NTAQ1: variants seen among roughly 807,000 people sequenced by gnomAD.
NTAQ1 encodes N-terminal glutamine amidase 1, also known as protein N-terminal glutamine amidohydrolase.
A neutral mutation model predicts 28.2 loss-of-function variants in NTAQ1; 21 were observed. That is an observed-to-expected ratio of 0.74 (90% CI 0.53 to 1.07). The LOEUF (loss-of-function observed/expected upper bound fraction) is 1.07, where lower values mean the gene tolerates loss of function less well. Among genes scored for constraint, NTAQ1 ranks in the 50% least tolerant of loss-of-function variants. NTAQ1 has a pLI of 0.00. For missense variants in NTAQ1, 264 were observed against 256.6 expected (o/e 1.03, Z -0.20); for synonymous variants, 105 against 90.0 (o/e 1.17, Z -0.94).
At chr8:123,427,867 AT>A (rs1174886718) in intron 1 of NTAQ1, 56 bp from the exon 2 acceptor site, 1 of 1,431,398 alleles carries the variant, frequency 7.0e-7, no homozygotes, top group Non-Finnish European at 9.6e-7. Flanking sequence ...TTTTGTTCAA[AT>A]TTAAAAGACA....
downstream of NTAQ1, among the ~76,000 whole-genome samples, chr8:123,449,859 T>TTCTCTCTCTCTCTCTCTC (rs112959997): frequency 1.4e-3 from 161 of 111,236 alleles, 1 homozygote; most frequent in African/African-American, 5.6e-3. Flanking sequence ...GCTCGCTGCT[T>TTCTCTCTCTCTCTCTCTC]TCTCTCTCTC....
upstream of NTAQ1, chr8:123,416,727 TCTCCCCCCGGGCTC>T (rs1050654020): frequency 3.1e-5 from 23 of 751,454 alleles, no homozygotes; most frequent in Non-Finnish European, 3.9e-5. Flanking sequence ...GCCCCGGCCC[TCTCCCCCCGGGCTC>T]CGCCCACCCC....
At chr8:123,449,859 T>TC (rs1815418477), downstream of NTAQ1, among the ~76,000 whole-genome samples, 7 of 111,206 alleles carry the variant, frequency 6.3e-5, no homozygotes, top group Non-Finnish European at 1.2e-4. Flanking sequence ...GCTCGCTGCT[T>TC]TCTCTCTCTC....
chr8:123,431,575 G>A (rs1047868919), intron 3 of NTAQ1, among the ~76,000 whole-genome samples: 11 of 152,274 alleles, frequency 7.2e-5, no homozygotes, highest in African/African-American at 1.2e-4. Flanking sequence ...TCTCAGTTTC[G>A]TTGCCAGCAG....
At chr8:123,430,510 G>C (rs567482012) in intron 3 of NTAQ1, among the ~76,000 whole-genome samples, 1 of 152,324 alleles carries the variant, frequency 6.6e-6, no homozygotes, top group African/African-American at 2.4e-5. Flanking sequence ...GGGCGCAGTG[G>C]CTCATGCCTG....
At chr8:123,455,418 GA>G (rs1222500448) in intron 6 of NTAQ1, among the ~76,000 whole-genome samples, 2 of 140,686 alleles carry the variant, frequency 1.4e-5, no homozygotes, top group Admixed American at 7.4e-5. Flanking sequence ...CCCATGCCCA[GA>G]AATTTTTTTT....
At position 123,438,163 on chromosome 8, in the gene NTAQ1, T is replaced by C. The variant is rs113136046; in HGVS notation, c.508+829T>C. The C allele has an allele frequency of 1.1e-3, 781 of 702,296 alleles. 5 individuals are homozygous for C. In the African/African-American group the frequency reaches 0.012, roughly 11 times the overall value. 43.5% of individuals were successfully genotyped at this position (702,296 alleles called of 1,614,324 possible). A position where few individuals can be genotyped will look rare whatever the true frequency, so the allele number is the denominator to read the frequency against. ...CAATCCAGTTGATAATTTCCTGACA[T>C]TTAAGAAGATAAAGGGTCCTTCACC... On this transcript the variant is annotated intron_variant, in intron 5 of 5. Transcript: ENST00000287387.
chr8:123,438,260 C>A, intron 5 of NTAQ1: 1 of 692,638 alleles, frequency 1.4e-6, no homozygotes, highest in South Asian at 1.5e-5. Context: ...ACAACATTCC[C>A]ACTTAGGGGT....
intron 1 of NTAQ1, among the ~76,000 whole-genome samples, chr8:123,423,327 T>G (rs988617943): frequency 2.2e-5 from 3 of 135,754 alleles, no homozygotes; most frequent in African/African-American, 5.1e-5. Flanking sequence ...TTTTTCTTTC[T>G]TTGTCTTTCT....
intron 6 of NTAQ1, among the ~76,000 whole-genome samples, chr8:123,466,559 A>T (rs1473978959): frequency 1.3e-5 from 2 of 152,232 alleles, no homozygotes; most frequent in East Asian, 3.9e-4. Flanking sequence ...TGACCATCAG[A>T]CTGTCATTAC....
At chr8:123,421,358 A>T (rs531936680) in intron 1 of NTAQ1, among the ~76,000 whole-genome samples, 51 of 152,200 alleles carry the variant, frequency 3.4e-4, no homozygotes, top group African/African-American at 1.1e-3. Flanking sequence ...GGGATTACAG[A>T]TGTGAGCTAC....
chr8:123,446,443 C>A (rs577551891), downstream of NTAQ1, among the ~76,000 whole-genome samples: 58 of 152,360 alleles, frequency 3.8e-4, no homozygotes, highest in African/African-American at 1.3e-3. Context: ...ACAGCAGCCA[C>A]AGACAATATG....
chr8:123,457,210 CTG>C (rs1055586292), intron 6 of NTAQ1, among the ~76,000 whole-genome samples: 5 of 152,046 alleles, frequency 3.3e-5, no homozygotes, highest in African/African-American at 1.2e-4. Flanking sequence ...GGGATTACAA[CTG>C]TGAACCACCA....
intron 1 of NTAQ1, among the ~76,000 whole-genome samples, chr8:123,422,746 A>T (rs758129117): frequency 1.3e-5 from 2 of 151,276 alleles, no homozygotes; most frequent in African/African-American, 2.4e-5. Context: ...GGTATTTCCT[A>T]GGTTTTCTTC....
At chr8:123,437,107 A>G (rs866430646) in intron 4 of NTAQ1, 103 bp from the exon 5 acceptor site, 3 of 1,439,466 alleles carry the variant, frequency 2.1e-6, no homozygotes, top group Middle Eastern at 4.8e-4. Flanking sequence ...GAAATGCATG[A>G]GTAGTTTTGT....
chr8:123,444,514 A>AT (rs1815197494), downstream of NTAQ1, among the ~76,000 whole-genome samples: 1 of 148,816 alleles, frequency 6.7e-6, no homozygotes, highest in Non-Finnish European at 1.5e-5. Flanking sequence ...AAAGCAAAAA[A>AT]TTTTCTTTTT....
At chr8:123,457,654 G>T (rs1815687130) in intron 6 of NTAQ1, among the ~76,000 whole-genome samples, 1 of 152,152 alleles carries the variant, frequency 6.6e-6, no homozygotes, top group Admixed American at 6.5e-5. Context: ...GAACTGGGTG[G>T]CTAGGGTCAC....
At chr8:123,446,826 A>G (rs73705920), downstream of NTAQ1, among the ~76,000 whole-genome samples, 12 of 152,326 alleles carry the variant, frequency 7.9e-5, no homozygotes, top group Non-Finnish European at 1.8e-4. Context: ...TCTTTTTCCA[A>G]CTAGAAGCTG....
At chr8:123,417,323 C>T (rs1249446438) in intron 1 of NTAQ1, among the ~76,000 whole-genome samples, 2 of 152,004 alleles carry the variant, frequency 1.3e-5, no homozygotes, top group African/African-American at 4.8e-5. Flanking sequence ...AGAATGAAGG[C>T]ACGGAGAGTT....
Sources: allele counts gnomAD v4.1 joint callset (sites outside exome capture counted in the v4.1 genomes callset), GRCh38; gene constraint gnomAD v4.1.1; transcripts MANE v1.5; gene names NCBI Gene and HGNC (gene_info 2026-07-23, HGNC 2026-07-21).